The following MAPK10 variants were observed in gnomAD, a reference collection of about 807,000 sequenced individuals.
The protein encoded by MAPK10 is JNK3 alpha protein kinase.
In MAPK10, 25 loss-of-function variants were observed where a neutral mutation model predicts 59.3. The observed-to-expected ratio is 0.42, with a 90% CI of 0.31 to 0.59. The LOEUF (loss-of-function observed/expected upper bound fraction) is 0.59, where lower values mean the gene tolerates loss of function less well. Among genes scored for constraint, MAPK10 ranks in the 20% least tolerant of loss-of-function variants. The pLI is 0.15. For missense variants in MAPK10, 351 were observed against 568.9 expected (o/e 0.62, Z 3.90); for synonymous variants, 190 against 200.5 (o/e 0.95, Z 0.44).
intron 1 of MAPK10, chr4:86,593,827 C>T (rs942232871): frequency 4.5e-4 from 68 of 152,204 alleles, no homozygotes; most frequent in African/African-American, 1.6e-3. Context: ...TTCTCCTCTT[C>T]CTTTCAAAGA....
In MAPK10 at chr4:86,309,512, T is replaced by A. The variant is rs138992761; in HGVS notation, c.-7+45018A>T. ...CACGGTAATTGCATTAAGGAGATGC[T>A]TCCAGCAATACTGAAGTAACCAGAA... On this transcript the variant is annotated intron_variant, in intron 2 of 13. Coordinates refer to ENST00000641462, the MANE Select transcript of MAPK10 (RefSeq NM_138982.4). 9.5e-3 allele frequency among the ~76,000 whole-genome samples: 1,444 copies of A among 152,296 alleles called. 22 individuals are homozygous for A. The highest frequency in any genetic ancestry group is 0.032 in the African/African-American group (1,347 of 41,562).
chr4:86,146,811 A>C (rs146320099), intron 4 of MAPK10, among the ~76,000 whole-genome samples: 1,534 of 152,342 alleles, frequency 0.01, 23 homozygotes, highest in African/African-American at 0.035. Flanking sequence ...CACAGCAGCC[A>C]AAATTATCCT....
intron 1 of MAPK10, among the ~76,000 whole-genome samples, chr4:86,544,005 G>C (rs1426555923): frequency 1.3e-5 from 2 of 152,198 alleles, no homozygotes; most frequent in African/African-American, 4.8e-5. Flanking sequence ...TAAGACTGAA[G>C]AAAAGCAAAG....
chr4:86,186,458 A>G (rs1453861945), intron 3 of MAPK10, among the ~76,000 whole-genome samples: 1 of 152,152 alleles, frequency 6.6e-6, no homozygotes, highest in Admixed American at 6.6e-5. Flanking sequence ...TACATACAGT[A>G]GTTACAGAAA....
rs72868884 is a variant in MAPK10 at position 86,561,904 on chromosome 4, A to G, written c.-263+32006T>C. On this transcript the variant is annotated intron_variant, in intron 1 of 4. Transcript: ENST00000502302. ...TTCATTTTTCCCTATTCTAATTTTT[A>G]TCATCTTAATTTGGACATTTACCAC... Among the ~76,000 whole-genome samples the G allele has an allele frequency of 2.6e-3, 398 of 152,208 alleles. 2 individuals are homozygous for G. Among genetic ancestry groups the G allele is most frequent in the African/African-American group, 9.1e-3 (376 of 41,542 alleles).
chr4:86,020,568 C>T (rs1051282780), intron 13 of MAPK10: 12 of 168,060 alleles, frequency 7.1e-5, no homozygotes, highest in Non-Finnish European at 1.2e-4. Context: ...AGCCGCGGAC[C>T]CTCGCGGTGA....
chr4:86,391,480 A>C (rs1742171071), intron 1 of MAPK10, among the ~76,000 whole-genome samples: 1 of 152,166 alleles, frequency 6.6e-6, no homozygotes, highest in Non-Finnish European at 1.5e-5. Context: ...ATCAATTCTA[A>C]GCATTCATGA....
At chr4:86,111,825 T>C (rs912158789) in intron 4 of MAPK10, among the ~76,000 whole-genome samples, 1 of 152,220 alleles carries the variant, frequency 6.6e-6, no homozygotes, top group Non-Finnish European at 1.5e-5. Context: ...TTTGCCCCTC[T>C]GGTAGAATTC....
chr4:86,392,980 ATTATTC>A (rs1254342781), intron 1 of MAPK10, among the ~76,000 whole-genome samples: 1 of 152,232 alleles, frequency 6.6e-6, no homozygotes, highest in Non-Finnish European at 1.5e-5. Context: ...AATTCTATAT[ATTATTC>A]TTCAAGGCTT....
intron 2 of MAPK10, among the ~76,000 whole-genome samples, chr4:86,353,017 A>G (rs765620917): frequency 3.3e-5 from 5 of 152,134 alleles, no homozygotes; most frequent in Non-Finnish European, 7.4e-5. Flanking sequence ...GTCTGTTAAA[A>G]AATGTTCCCA....
At chr4:86,293,990 G>C (rs545292231) in intron 2 of MAPK10, among the ~76,000 whole-genome samples, 1 of 152,244 alleles carries the variant, frequency 6.6e-6, no homozygotes, top group South Asian at 2.1e-4. Flanking sequence ...TGACCACAGG[G>C]AACATGTATA....
chr4:86,402,828 T>C, intron 1 of MAPK10, among the ~76,000 whole-genome samples: 1 of 152,168 alleles, frequency 6.6e-6, no homozygotes, highest in East Asian at 1.9e-4. Context: ...AGGCCAGCCT[T>C]AGCATCTCTG....
intron 3 of MAPK10, among the ~76,000 whole-genome samples, chr4:86,169,050 A>G (rs2073044091): frequency 1.3e-5 from 2 of 152,084 alleles, no homozygotes; most frequent in African/African-American, 4.8e-5. Context: ...CATCCACACC[A>G]AAAACCCATC....
chr4:86,462,776 C>T (rs1158364048), intron 1 of MAPK10, among the ~76,000 whole-genome samples: 1 of 152,090 alleles, frequency 6.6e-6, no homozygotes, highest in African/African-American at 2.4e-5. Context: ...AATTCTAGAA[C>T]AGTTATATAG....
rs574143152 is a variant in MAPK10, at chr4:86,045,687, C to T, written c.1111-14256G>A. On this transcript the variant is annotated intron_variant, in intron 11 of 13. Coordinates refer to ENST00000641462, the MANE Select transcript of MAPK10 (RefSeq NM_138982.4). Reference sequence around the variant, plus strand: ...ACATGACAATGCTTGGGAACTCCTTCCTTATCTGGTCCCTGCTTACCAGCC... The same window carrying T: ...ACATGACAATGCTTGGGAACTCCTTTCTTATCTGGTCCCTGCTTACCAGCC... Among the ~76,000 whole-genome samples the T allele has an allele frequency of 8.6e-5, 13 of 152,002 alleles. No homozygotes were observed. In the East Asian group the frequency reaches 2.5e-3, roughly 30 times the overall value.
chr4:86,347,791 T>G (rs1262488255), intron 2 of MAPK10, among the ~76,000 whole-genome samples: 2 of 152,174 alleles, frequency 1.3e-5, no homozygotes, highest in East Asian at 3.9e-4. Context: ...CCCAATCACC[T>G]CTGTTTTCAT....
chr4:86,423,503 T>TA (rs1434447502), intron 1 of MAPK10, among the ~76,000 whole-genome samples: 1 of 152,148 alleles, frequency 6.6e-6, no homozygotes, highest in African/African-American at 2.4e-5. Flanking sequence ...CAGTGGCTGT[T>TA]ACAAATTCTG....
intron 1 of MAPK10, among the ~76,000 whole-genome samples, chr4:86,484,168 C>T (rs1045402996): frequency 5.3e-5 from 8 of 152,106 alleles, no homozygotes; most frequent in East Asian, 3.9e-4. Flanking sequence ...GATGTTTAAA[C>T]GGAGTGGCTA....
Position 86,017,153 on chromosome 4 carries a change from G to A in MAPK10, c.*75C>T. The A allele has an allele frequency of 4.1e-6, 6 of 1,451,562 alleles. No homozygotes were observed. Among genetic ancestry groups the A allele is most frequent in the Middle Eastern group, 2.5e-4 (1 of 4,050 alleles). 89.9% of individuals were successfully genotyped at this position (1,451,562 alleles called of 1,614,324 possible). On this transcript the variant is annotated 3_prime_UTR_variant, in exon 14 of 14. Coordinates refer to ENST00000641462, the MANE Select transcript of MAPK10 (RefSeq NM_138982.4). The surrounding 1 kb of genome is among the most constrained non-coding windows in gnomAD (Gnocchi z 4.4). ...GTTGTGTGTCTGCATTTGTGTGTGT[G>A]TGTGTGTCTGCGTGTGTGTGTGTTC...
Sources: gnomAD v4.1 joint callset for allele counts (sites outside exome capture counted in the v4.1 genomes callset) on GRCh38, gnomAD v4.1.1 for gene constraint, Gnocchi (gnomAD v3.1) non-coding constraint, MANE v1.5 for transcripts, NCBI Gene and HGNC (gene_info 2026-07-23, HGNC 2026-07-21) for gene names.